Variants in TDRD10 observed in about 807,000 individuals in gnomAD.
TDRD10 encodes the protein tudor domain-containing protein 10.
In TDRD10, 40 loss-of-function variants were observed where a neutral mutation model predicts 48.0. The ratio of observed to expected loss-of-function variants is 0.83; its 90% CI spans 0.65 to 1.09. The LOEUF is 1.09. Among genes scored for constraint, TDRD10 ranks in the 50% least tolerant of loss-of-function variants. The pLI is 0.00. For missense variants in TDRD10, 378 were observed against 434.7 expected, an observed-to-expected ratio of 0.87 and a Z score of 1.16; for synonymous variants, 162 against 170.4, an observed-to-expected ratio of 0.95 and a Z score of 0.38.
At chr1:154,512,401 A>T (rs113297304) in intron 4 of TDRD10, among the ~76,000 whole-genome samples, 1 of 151,932 alleles carries the variant, frequency 6.6e-6, no homozygotes, top group Non-Finnish European at 1.5e-5. Context: ...CTGGAGTGCA[A>T]TGGCTCGATC....
intron 4 of TDRD10, among the ~76,000 whole-genome samples, chr1:154,511,077 T>G (rs890572243): frequency 6.6e-6 from 1 of 151,792 alleles, no homozygotes; most frequent in Non-Finnish European, 1.5e-5. Context: ...ATATATAATA[T>G]TTACATATCT....
chr1:154,519,033 A>G (rs1404073509), intron 4 of TDRD10, among the ~76,000 whole-genome samples: 11 of 152,240 alleles, frequency 7.2e-5, no homozygotes. Context: ...ATATAGCCAT[A>G]GAGACGTCAT....
At chr1:154,535,742 T>G (rs1449922384) in intron 6 of TDRD10, among the ~76,000 whole-genome samples, 1 of 152,176 alleles carries the variant, frequency 6.6e-6, no homozygotes, top group Admixed American at 6.5e-5. Context: ...GTGTGCCCCA[T>G]GTACCTGTTC....
intron 6 of TDRD10, among the ~76,000 whole-genome samples, chr1:154,530,478 C>G (rs934476556): frequency 6.9e-6 from 1 of 144,808 alleles, no homozygotes; most frequent in Non-Finnish European, 1.5e-5. Context: ...CCATGTTGCT[C>G]AGGCTGGTCT....
At chr1:154,510,155 G>A (rs1184461185) in intron 4 of TDRD10, among the ~76,000 whole-genome samples, 1 of 151,426 alleles carries the variant, frequency 6.6e-6, no homozygotes, top group African/African-American at 2.4e-5. Context: ...TATAATCCCA[G>A]TACTTTGGGA....
chr1:154,528,081 T>C (rs1254331515), intron 6 of TDRD10, among the ~76,000 whole-genome samples: 1 of 152,174 alleles, frequency 6.6e-6, no homozygotes, highest in Non-Finnish European at 1.5e-5. Context: ...TGAGGCTTAC[T>C]TGAACATTTT....
chr1:154,532,153 G>C (rs938233930), intron 6 of TDRD10, among the ~76,000 whole-genome samples: 1 of 152,198 alleles, frequency 6.6e-6, no homozygotes, highest in Admixed American at 6.5e-5. Context: ...GTTGCTCATC[G>C]GGGAGGCTCA....
chr1:154,520,521 C>T (rs1428308673), intron 5 of TDRD10, 147 bp downstream of exon 5: 4 of 654,730 alleles, frequency 6.1e-6, no homozygotes, highest in East Asian at 2.7e-5. Flanking sequence ...TGGGAAACCC[C>T]CTTTCCATAT....
At chr1:154,514,134 G>T (rs773305037) in intron 4 of TDRD10, among the ~76,000 whole-genome samples, 1 of 152,136 alleles carries the variant, frequency 6.6e-6, no homozygotes, top group Non-Finnish European at 1.5e-5. Context: ...AGGTTGCAGC[G>T]AGCTGAGGTC....
At chr1:154,507,827 TG>T (rs1341715965) in intron 3 of TDRD10, among the ~76,000 whole-genome samples, 10 of 152,188 alleles carry the variant, frequency 6.6e-5, no homozygotes, top group Non-Finnish European at 1.3e-4. Flanking sequence ...ATTTCCCAAA[TG>T]TGCTCAGCTT....
At chr1:154,509,088 C>T (rs1386826784) in intron 4 of TDRD10, among the ~76,000 whole-genome samples, 2 of 129,436 alleles carry the variant, frequency 1.5e-5, no homozygotes, top group African/African-American at 2.7e-5. Flanking sequence ...ATTGAAGCAC[C>T]TCCTGACTTT....
intron 6 of TDRD10, among the ~76,000 whole-genome samples, chr1:154,524,884 G>A (rs1386293892): frequency 6.6e-6 from 1 of 152,136 alleles, no homozygotes; most frequent in Non-Finnish European, 1.5e-5. Flanking sequence ...GACAGCTTAG[G>A]CCTCAACCAA....
At chr1:154,507,773 A>C (rs1303701331) in intron 3 of TDRD10, among the ~76,000 whole-genome samples, 1 of 152,122 alleles carries the variant, frequency 6.6e-6, no homozygotes, top group South Asian at 2.1e-4. Context: ...CACTCACTGC[A>C]TGCAGTGTGC....
intron 6 of TDRD10, among the ~76,000 whole-genome samples, chr1:154,539,716 G>A (rs1695122225): frequency 6.6e-6 from 1 of 152,222 alleles, no homozygotes; most frequent in Admixed American, 6.5e-5. Flanking sequence ...CACGATCAAG[G>A]TAATTGTTGA....
chr1:154,540,721 T>G (rs1313151701), intron 6 of TDRD10, among the ~76,000 whole-genome samples: 5 of 151,826 alleles, frequency 3.3e-5, no homozygotes, highest in Admixed American at 2.6e-4. Context: ...GCTTTGAGAG[T>G]CCGTGGTACA....
At chr1:154,529,456 A>G (rs1694487095) in intron 6 of TDRD10, among the ~76,000 whole-genome samples, 1 of 152,200 alleles carries the variant, frequency 6.6e-6, no homozygotes, top group Non-Finnish European at 1.5e-5. Context: ...TGGTTGGTGC[A>G]AAAGTGTGGT....
chr1:154,508,426 T>C lies in TDRD10; in HGVS notation c.86T>C (p.Phe29Ser), dbSNP rs1693269733. ...TTAATGCTGTTTTTCTTCTTAGGAT[T>C]CAAGAAAAGAGAGACAGAGGTGTAT... is the stretch of plus-strand genomic sequence containing the variant. ...GVLEEQKSPGFKKRETEVYVG... is the reference protein window; with the variant it reads ...GVLEEQKSPGSKKRETEVYVG... The change falls in exon 4 of 13, where the codon TTC becomes TCC. Residue 29 changes from phenylalanine to serine, a missense_variant. Physicochemically the swap from Phe to Ser is radical, Grantham distance 155. Transcript: ENST00000368482. 1 of 1,606,182 alleles carries C rather than the reference T, an allele frequency of 6.2e-7. No individual in the cohort carries two copies. The highest frequency in any genetic ancestry group is 1.3e-5 in the African/African-American group (1 of 74,906).
At chr1:154,527,048 T>C (rs545077678) in intron 6 of TDRD10, among the ~76,000 whole-genome samples, 32 of 152,224 alleles carry the variant, frequency 2.1e-4, no homozygotes, top group African/African-American at 7.5e-4. Flanking sequence ...GTAGCTGGGA[T>C]TACAGGCACC....
intron 6 of TDRD10, among the ~76,000 whole-genome samples, chr1:154,528,740 C>T (rs536640994): frequency 2.1e-3 from 315 of 151,822 alleles, no homozygotes; most frequent in Non-Finnish European, 1.1e-3. Flanking sequence ...CACTTGAACC[C>T]GGGAGGCAGA....
Sources: allele counts gnomAD v4.1 joint callset (sites outside exome capture counted in the v4.1 genomes callset), GRCh38; gene constraint gnomAD v4.1.1; transcripts MANE v1.5; gene names NCBI Gene and HGNC (gene_info 2026-07-23, HGNC 2026-07-21).